RTN1: variants seen among roughly 807,000 people sequenced by gnomAD.
RTN1 encodes reticulon-1.
A neutral mutation model predicts 65.5 loss-of-function variants in RTN1; 25 were observed. The ratio of observed to expected loss-of-function variants is 0.38; its 90% CI spans 0.28 to 0.53. RTN1 has a LOEUF of 0.53. Ranked by LOEUF, RTN1 falls within the 20% of genes least tolerant of loss-of-function variation. RTN1 has a pLI of 0.79. For synonymous variants in RTN1, 471 were observed against 447.6 expected (o/e 1.05, Z -0.66); for missense variants, 983 against 1,025.4 (o/e 0.96, Z 0.57).
intron 3 of RTN1, among the ~76,000 whole-genome samples, chr14:59,706,508 G>T (rs575345302): frequency 1.3e-5 from 2 of 149,204 alleles, no homozygotes; most frequent in African/African-American, 4.9e-5. Flanking sequence ...CTTCAGAGGG[G>T]AAAGTTCTCC....
intron 3 of RTN1, among the ~76,000 whole-genome samples, chr14:59,621,366 T>C (rs1178583800): frequency 6.6e-6 from 1 of 152,334 alleles, no homozygotes; most frequent in East Asian, 1.9e-4. Context: ...CATATTACTA[T>C]ATTGCTTTGC....
chr14:59,635,926 C>T (rs560272088), intron 3 of RTN1, among the ~76,000 whole-genome samples: 1 of 151,900 alleles, frequency 6.6e-6, no homozygotes, highest in Non-Finnish European at 1.5e-5. Context: ...ATTGAAGAAC[C>T]TGCTGTACAT....
intron 1 of RTN1, among the ~76,000 whole-genome samples, chr14:59,812,841 A>C (rs1370743051): frequency 6.6e-6 from 1 of 152,230 alleles, no homozygotes; most frequent in Non-Finnish European, 1.5e-5. Flanking sequence ...AATATAGCAC[A>C]ATCTTTCAAT....
In RTN1 at chr14:59,745,714, C is replaced by G; in HGVS notation, c.1009G>C (p.Gly337Arg). ...SPGSITPPSS[G>R]TEPSAAESQG... The stretch of plus-strand genomic sequence containing the variant: ...GCAATAACAGGGCCTTTACCTGTTC[C>G]AGAAGATGGAGGGGTGATAGATCCT... The change falls in exon 2 of 9, where the codon GGA (glycine) becomes CGA (arginine). Residue 337 changes from glycine to arginine, a missense_variant. Gly to Arg is a moderately radical substitution (Grantham distance 125). Transcript: ENST00000267484. 6.3e-7 allele frequency: 1 copy of G among 1,599,454 alleles called. No individual in the cohort carries two copies. Among genetic ancestry groups the G allele is most frequent in the African/African-American group, 1.3e-5 (1 of 74,114 alleles).
intron 3 of RTN1, among the ~76,000 whole-genome samples, chr14:59,709,651 C>A (rs565689862): frequency 1.3e-5 from 2 of 152,120 alleles, no homozygotes; most frequent in Non-Finnish European, 2.9e-5. Context: ...AGTCCGCCTG[C>A]CTATGGGGGT....
chr14:59,800,294 T>C (rs910856907), intron 1 of RTN1, among the ~76,000 whole-genome samples: 4 of 152,216 alleles, frequency 2.6e-5, no homozygotes, highest in African/African-American at 9.6e-5. Context: ...AGGGGTATGC[T>C]CATTTCTGGG....
intron 3 of RTN1, among the ~76,000 whole-genome samples, chr14:59,622,100 C>A (rs1202143258): frequency 6.6e-6 from 1 of 152,174 alleles, no homozygotes; most frequent in Non-Finnish European, 1.5e-5. Flanking sequence ...CTCTGGGAGG[C>A]TGAGGCGGGC....
intron 1 of RTN1, among the ~76,000 whole-genome samples, chr14:59,861,820 T>C (rs566860630): frequency 1.1e-4 from 16 of 152,348 alleles, no homozygotes; most frequent in African/African-American, 3.8e-4. Flanking sequence ...ATAAAAATTC[T>C]TAATTTCTTT....
chr14:59,749,119 T>TATAG (rs1555358593), intron 1 of RTN1, among the ~76,000 whole-genome samples: 2 of 49,310 alleles, frequency 4.1e-5, no homozygotes, highest in African/African-American at 2.6e-4. Context: ...TATATATATA[T>TATAG]ATATAGATAT....
intron 1 of RTN1, among the ~76,000 whole-genome samples, chr14:59,859,526 C>T (rs1276198610): frequency 6.6e-6 from 1 of 152,046 alleles, no homozygotes; most frequent in Non-Finnish European, 1.5e-5. Flanking sequence ...TAAATTGATA[C>T]CAGTAAAGTG....
chr14:59,829,825 A>T lies in RTN1; in HGVS notation c.241+40565T>A, dbSNP rs569502926. 2.0e-4 allele frequency among the ~76,000 whole-genome samples: 30 copies of T among 152,334 alleles called. No homozygotes were observed. Among genetic ancestry groups the T allele is most frequent in the Non-Finnish European group, 3.7e-4 (25 of 68,038 alleles). On this transcript the variant is annotated intron_variant, in intron 1 of 8. Coordinates refer to ENST00000267484, the MANE Select transcript of RTN1 (RefSeq NM_021136.3). This position sits in a 1 kb window ranked among gnomAD's most constrained non-coding sequence, Gnocchi z 4.3. ...TTTCCACTCCTGTTTCATTAGCCAA[A>T]CCAAATCATATGGCCATACCTAACT...
At chr14:59,627,055 A>G (rs925648418) in intron 3 of RTN1, among the ~76,000 whole-genome samples, 1 of 152,206 alleles carries the variant, frequency 6.6e-6, no homozygotes, top group African/African-American at 2.4e-5. Flanking sequence ...TTTGAAGCCA[A>G]GAGAATCACC....
chr14:59,678,118 G>A (rs548695902), intron 3 of RTN1, among the ~76,000 whole-genome samples: 18 of 152,310 alleles, frequency 1.2e-4, no homozygotes, highest in African/African-American at 2.9e-4. Context: ...GAACAAGGGC[G>A]TCATATAAAC....
At chr14:59,694,410 CGTAA>C (rs979055564) in intron 3 of RTN1, among the ~76,000 whole-genome samples, 2 of 152,126 alleles carry the variant, frequency 1.3e-5, no homozygotes, top group African/African-American at 2.4e-5. Context: ...AAATCACATA[CGTAA>C]GTGTGTGTAT....
At chr14:59,701,053 A>G (rs1884167875) in intron 3 of RTN1, among the ~76,000 whole-genome samples, 1 of 152,184 alleles carries the variant, frequency 6.6e-6, no homozygotes, top group African/African-American at 2.4e-5. Flanking sequence ...AAAATGGACA[A>G]ATCATTTGAA....
In RTN1 at chr14:59,600,955, C is replaced by T. The variant is rs141022874; in HGVS notation, c.2288+2110G>A. On this transcript the variant is annotated intron_variant, in intron 8 of 8. Transcript: ENST00000267484. ...ATGATAACCTCCTAGCTGATGGCCA[C>T]ATCTCTAGTCTCTCCCCTCTCCAAT... Among the ~76,000 whole-genome samples the T allele has an allele frequency of 7.6e-3, 1,150 of 152,296 alleles. 9 individuals are homozygous for T. The highest frequency in any genetic ancestry group is 0.026 in the African/African-American group (1,086 of 41,546).
chr14:59,831,801 G>T (rs576253615), intron 1 of RTN1, among the ~76,000 whole-genome samples: 32 of 151,682 alleles, frequency 2.1e-4, no homozygotes, highest in African/African-American at 5.6e-4. Context: ...TCTCTCTGGA[G>T]AACACTCACG....
intron 3 of RTN1, among the ~76,000 whole-genome samples, chr14:59,698,601 T>C (rs938488785): frequency 6.6e-6 from 1 of 152,152 alleles, no homozygotes; most frequent in South Asian, 2.1e-4. Flanking sequence ...ACAAGCTCTC[T>C]CTCTTTGCCT....
chr14:59,762,663 T>C (rs1885773384), intron 1 of RTN1, among the ~76,000 whole-genome samples: 1 of 152,218 alleles, frequency 6.6e-6, no homozygotes, highest in Non-Finnish European at 1.5e-5. Context: ...TCACAACTAA[T>C]GAAGCAGTAA....
Sources: gnomAD v4.1 joint callset for allele counts (sites outside exome capture counted in the v4.1 genomes callset) on GRCh38, gnomAD v4.1.1 for gene constraint, Gnocchi (gnomAD v3.1) non-coding constraint, MANE v1.5 for transcripts, NCBI Gene and HGNC (gene_info 2026-07-23, HGNC 2026-07-21) for gene names.